The following PSMF1 variants were observed in gnomAD, a reference collection of about 807,000 sequenced individuals.
PSMF1 encodes proteasome inhibitor subunit 1.
PSMF1 carries 30 observed loss-of-function variants against 29.3 expected under a neutral mutation model. That is an observed-to-expected ratio of 1.02 (90% confidence interval 0.77 to 1.39). The LOEUF (loss-of-function observed/expected upper bound fraction) is 1.39, where lower values mean the gene tolerates loss of function less well. Ranked by LOEUF, PSMF1 falls within the 40% of genes most tolerant of loss-of-function variation. The pLI, the probability that PSMF1 is intolerant of heterozygous loss-of-function variation, is 0.00. For synonymous variants in PSMF1, 134 were observed against 139.7 expected (o/e 0.96, Z 0.29); for missense variants, 344 against 357.5 (o/e 0.96, Z 0.31).
intron 4 of PSMF1, among the ~76,000 whole-genome samples, chr20:1,153,338 T>C (rs1199793283): frequency 6.6e-6 from 1 of 152,090 alleles, no homozygotes; most frequent in Non-Finnish European, 1.5e-5. Flanking sequence ...TTCCTTGCGG[T>C]TATAAGACTA....
chr20:1,137,374 C>T (rs4142354), intron 4 of PSMF1, among the ~76,000 whole-genome samples: 61,957 of 151,986 alleles, frequency 0.41, 13,418 homozygotes, highest in Admixed American at 0.48. Flanking sequence ...GTGGATCTGG[C>T]GAGTAGCATC....
intron 4 of PSMF1, among the ~76,000 whole-genome samples, chr20:1,162,032 G>A (rs1255109099): frequency 6.6e-6 from 1 of 152,180 alleles, no homozygotes; most frequent in African/African-American, 2.4e-5. Context: ...TGGGGGGTCT[G>A]TGTGGCTGGC....
intron 4 of PSMF1, among the ~76,000 whole-genome samples, chr20:1,152,368 G>A (rs561440964): frequency 7.2e-4 from 110 of 152,298 alleles, no homozygotes; most frequent in African/African-American, 2.6e-3. Context: ...TGTATTGGCA[G>A]TTGTTTCAGA....
At chr20:1,159,716 G>C (rs969618190) in intron 4 of PSMF1, among the ~76,000 whole-genome samples, 1 of 152,204 alleles carries the variant, frequency 6.6e-6, no homozygotes, top group African/African-American at 2.4e-5. Context: ...GAGGCTGCTA[G>C]AAACTTTGAC....
rs755593224 is a variant in PSMF1 at position 1,164,329 on chromosome 20, G to T, written c.617G>T (p.Gly206Val). The T allele has an allele frequency of 6.2e-7, 1 of 1,613,846 alleles. No homozygotes were observed. The highest frequency in any genetic ancestry group is 1.1e-5 in the South Asian group (1 of 91,074). Residue 206 changes from glycine to valine, a missense_variant, in exon 6 of 7, where the codon GGT becomes GTT. Coordinates refer to ENST00000335877, the MANE Select transcript of PSMF1 (RefSeq NM_006814.5). The surrounding 1 kb of genome is among the most constrained non-coding windows in gnomAD (Gnocchi z 4.1). ...TCTTCTTGCCTCAGGCCTCGGAGAG[G>T]TGGCATGATTGTGGATCCCCTGAGA... ...EDLDPFGPRR[G>V]GMIVDPLRSG...
chr20:1,116,756 G>A (rs1438934570), upstream of PSMF1, among the ~76,000 whole-genome samples: 1 of 151,918 alleles, frequency 6.6e-6, no homozygotes, highest in Non-Finnish European at 1.5e-5. Flanking sequence ...ATAGTTTCAG[G>A]TTATGATTAA....
At chr20:1,153,646 A>G (rs1352038689) in intron 4 of PSMF1, among the ~76,000 whole-genome samples, 2 of 152,182 alleles carry the variant, frequency 1.3e-5, no homozygotes, top group Non-Finnish European at 2.9e-5. Context: ...ATCGAATTCC[A>G]TCTACCACAA....
intron 1 of PSMF1, chr20:1,113,445 A>AACAC (rs58779664): frequency 0.12 from 14,134 of 114,360 alleles, 1,012 homozygotes; most frequent in Admixed American, 0.13. Context: ...GATCAGGGGC[A>AACAC]ACACACACAC....
chr20:1,141,638 C>A (rs2086381917), intron 4 of PSMF1, among the ~76,000 whole-genome samples: 1 of 152,118 alleles, frequency 6.6e-6, no homozygotes, highest in Admixed American at 6.5e-5. Context: ...ACCGCTCTGA[C>A]CACTCTTATT....
At chr20:1,128,788 T>G (rs1568466572) in intron 3 of PSMF1, among the ~76,000 whole-genome samples, 1 of 152,166 alleles carries the variant, frequency 6.6e-6, no homozygotes, top group Non-Finnish European at 1.5e-5. Context: ...TGGAGTACAG[T>G]GTGACTGTTC....
chr20:1,164,462 G>T lies in PSMF1; in HGVS notation c.750G>T (p.Gly250=). Residue 250 remains glycine (G), a synonymous_variant, in exon 6 of 7, where the codon GGG becomes GGT. Coordinates refer to ENST00000335877, the MANE Select transcript of PSMF1 (RefSeq NM_006814.5). This position sits in a 1 kb window ranked among gnomAD's most constrained non-coding sequence, Gnocchi z 4.1. ...GARFDPFGPI[G]TSPPGPNPDH... is the part of the protein sequence containing the mutation. ...GCTTTGACCCCTTTGGACCCATTGG[G>T]ACCAGCCCACCCGGGTACGTAGTCA... 2.5e-6 allele frequency: 4 copies of T among 1,614,152 alleles called. No homozygotes were observed. In the South Asian group the frequency reaches 4.4e-5, roughly 18 times the overall value.
chr20:1,164,507 A>G lies in PSMF1; in HGVS notation c.764+31A>G, dbSNP rs771847551. The G allele has an allele frequency of 1.2e-6, 2 of 1,610,838 alleles. No homozygotes were observed. Among genetic ancestry groups the G allele is most frequent in the Non-Finnish European group, 1.7e-6 (2 of 1,177,408 alleles). On this transcript the variant is annotated intron_variant, in intron 6 of 6. Transcript: ENST00000335877. This position sits in a 1 kb window ranked among gnomAD's most constrained non-coding sequence, Gnocchi z 4.1. The stretch of plus-strand genomic sequence containing the variant: ...TAGTCACTCAGGTATGCTGAGAAGT[A>G]GGACCTGATGGCAGCTTGGTTCAGT...
chr20:1,162,791 A>G (rs1292896278), intron 4 of PSMF1, among the ~76,000 whole-genome samples: 1 of 152,196 alleles, frequency 6.6e-6, no homozygotes, highest in Admixed American at 6.5e-5. Context: ...TTTAAGAATA[A>G]TATTTTTCTG....
At chr20:1,157,235 A>G (rs984119052) in intron 4 of PSMF1, among the ~76,000 whole-genome samples, 2 of 152,094 alleles carry the variant, frequency 1.3e-5, no homozygotes, top group African/African-American at 4.8e-5. Context: ...CAGCCCACTG[A>G]CTCAAATGTT....
chr20:1,137,931 G>A (rs2086328618), intron 4 of PSMF1, among the ~76,000 whole-genome samples: 1 of 152,224 alleles, frequency 6.6e-6, no homozygotes, highest in African/African-American at 2.4e-5. Flanking sequence ...AGAGTAAGGT[G>A]TTGGGGAGGG....
intron 4 of PSMF1, chr20:1,161,528 C>T (rs900539223): frequency 3.5e-5 from 20 of 569,144 alleles, no homozygotes; most frequent in Admixed American, 1.4e-4. Context: ...AGATCACTGC[C>T]CTGGTGCCAG....
intron 2 of PSMF1, among the ~76,000 whole-genome samples, chr20:1,126,859 A>G (rs1237247663): frequency 1.3e-5 from 2 of 152,158 alleles, no homozygotes; most frequent in Non-Finnish European, 2.9e-5. Context: ...AGCCTGGGCA[A>G]TAGAGCAAGC....
chr20:1,134,713 C>T, intron 3 of PSMF1: 1 of 294,616 alleles, frequency 3.4e-6, no homozygotes, highest in South Asian at 3.1e-5. Context: ...CTGCCTGGAA[C>T]AGGAACCTGG....
chr20:1,153,382 CCTT>C (rs1018017088), intron 4 of PSMF1, among the ~76,000 whole-genome samples: 15 of 152,014 alleles, frequency 9.9e-5, no homozygotes, highest in Non-Finnish European at 1.8e-4. Flanking sequence ...CTCCATAAGA[CCTT>C]CTGCATTTCT....
Sources: gnomAD v4.1 joint callset for allele counts (sites outside exome capture counted in the v4.1 genomes callset) on GRCh38, gnomAD v4.1.1 for gene constraint, Gnocchi (gnomAD v3.1) non-coding constraint, MANE v1.5 for transcripts, NCBI Gene and HGNC (gene_info 2026-07-23, HGNC 2026-07-21) for gene names.